The following TRIM33 variants were observed in gnomAD, a reference collection of about 807,000 sequenced individuals.
TRIM33 encodes the protein tripartite motif containing 33, also known as E3 ubiquitin-protein ligase TRIM33.
A neutral mutation model predicts 125.4 loss-of-function variants in TRIM33; 20 were observed. The observed-to-expected ratio is 0.16, with a 90% CI of 0.11 to 0.23. The LOEUF is 0.23. Ranked by LOEUF, TRIM33 falls within the 10% of genes least tolerant of loss-of-function variation. TRIM33 has a pLI of 1.00. For missense variants in TRIM33, 920 were observed against 1,411.4 expected (o/e 0.65, Z 5.58); for synonymous variants, 564 against 513.9 (o/e 1.10, Z -1.32).
chr1:114,432,962 C>G (rs941150834), intron 5 of TRIM33, among the ~76,000 whole-genome samples: 1 of 152,052 alleles, frequency 6.6e-6, no homozygotes, highest in African/African-American at 2.4e-5. Flanking sequence ...CTTATTCATA[C>G]CCCGAAGAAT....
chr1:114,438,798 T>C (rs1330709583), intron 4 of TRIM33, among the ~76,000 whole-genome samples: 1 of 152,228 alleles, frequency 6.6e-6, no homozygotes, highest in Non-Finnish European at 1.5e-5. Context: ...AAGGATTTAA[T>C]GCTTGCTATC....
rs1168622805 is a variant in TRIM33, at chr1:114,402,834, C to G, written c.2818G>C (p.Glu940Gln). The G allele has an allele frequency of 6.2e-7, 1 of 1,614,124 alleles. No individual in the cohort carries two copies. Among genetic ancestry groups the G allele is most frequent in the Non-Finnish European group, 8.5e-7 (1 of 1,180,010 alleles). The change falls in exon 16 of 20, where the codon GAA becomes CAA. Residue 940 changes from glutamate (E) to glutamine (Q), a missense_variant. Physicochemically the swap from Glu to Gln is conservative, Grantham distance 29. Transcript: ENST00000358465. ...FCRDIGKPEV[E>Q]YDCDNLQHSK... ...TGTTGCAAATTATCACAATCATATT[C>G]AACTTCTGGCTTTCCAATATCTCTA...
chr1:114,398,740 A>G (rs1030987222), intron 18 of TRIM33, among the ~76,000 whole-genome samples: 24 of 151,988 alleles, frequency 1.6e-4, no homozygotes. Context: ...ATCTTTTAAA[A>G]GATTTTGTGG....
In TRIM33 at chr1:114,425,584, T is replaced by G; in HGVS notation, c.1560A>C (p.Gln520His). 1 of 1,614,172 alleles carries G rather than the reference T, an allele frequency of 6.2e-7. No individual in the cohort carries two copies. The highest frequency in any genetic ancestry group is 8.5e-7 in the Non-Finnish European group (1 of 1,180,028). ...GATGTTTCTGTGCATATACTTGTTG[T>G]TGCATGTGCTGGAGTCGAAGCTGTG... ...NLAQLRLQHM[Q>H]QQVYAQKHQQ... Residue 520 changes from glutamine (Q) to histidine (H), a missense_variant, in exon 9 of 20, where the codon CAA (glutamine) becomes CAC (histidine). Transcript: ENST00000358465.
chr1:114,490,642 C>A (rs1652006285), intron 1 of TRIM33: 1 of 152,158 alleles, frequency 6.6e-6, no homozygotes, highest in South Asian at 2.1e-4. Flanking sequence ...ATTCAAGTGT[C>A]CATTTACTAA....
chr1:114,432,034 T>G lies in TRIM33; in HGVS notation c.1041-1122A>C, dbSNP rs141037111. Among the ~76,000 whole-genome samples the G allele has an allele frequency of 9.8e-3, 1,488 of 152,202 alleles. 21 individuals carry two copies. The highest frequency in any genetic ancestry group is 0.026 in the African/African-American group (1,061 of 41,524). Reference sequence around the variant, plus strand: ...GTTCAGTTTTGAAGAAAGAAAAAAATGTACATTAAAAAATAATGGAGATAG... The same window carrying G: ...GTTCAGTTTTGAAGAAAGAAAAAAAGGTACATTAAAAAATAATGGAGATAG... On this transcript the variant is annotated intron_variant, in intron 5 of 19. Transcript: ENST00000358465.
At chr1:114,459,196 A>G (rs1649800862) in intron 4 of TRIM33, among the ~76,000 whole-genome samples, 1 of 152,164 alleles carries the variant, frequency 6.6e-6, no homozygotes, top group African/African-American at 2.4e-5. Flanking sequence ...CAGGGGAACC[A>G]ACCAGATAAT....
intron 1 of TRIM33, among the ~76,000 whole-genome samples, chr1:114,487,487 T>C (rs994408881): frequency 4.6e-5 from 7 of 151,926 alleles, no homozygotes; most frequent in Admixed American, 2.0e-4. Flanking sequence ...ATATAAAAAT[T>C]TGTCACTAAT....
intron 6 of TRIM33, among the ~76,000 whole-genome samples, chr1:114,428,932 G>A (rs938252070): frequency 3.3e-5 from 5 of 151,490 alleles, no homozygotes; most frequent in African/African-American, 1.2e-4. Context: ...CTGGTTCACT[G>A]CAAACTCCAC....
At chr1:114,435,314 T>C (rs1046587002) in intron 4 of TRIM33, among the ~76,000 whole-genome samples, 1 of 152,110 alleles carries the variant, frequency 6.6e-6, no homozygotes, top group African/African-American at 2.4e-5. Flanking sequence ...GATCAGCAGA[T>C]TTGAGAGGTT....
intron 4 of TRIM33, among the ~76,000 whole-genome samples, chr1:114,461,905 G>A (rs1322051001): frequency 6.6e-6 from 1 of 152,128 alleles, no homozygotes; most frequent in Non-Finnish European, 1.5e-5. Context: ...TAAATATACT[G>A]TAAAGCTGTG....
chr1:114,503,230 C>T (rs6700078), intron 1 of TRIM33, among the ~76,000 whole-genome samples: 3,927 of 152,148 alleles, frequency 0.026, 87 homozygotes, highest in Non-Finnish European at 0.034. Context: ...CCTGTAATAC[C>T]AACACTTTGG....
intron 1 of TRIM33, among the ~76,000 whole-genome samples, chr1:114,492,594 G>A (rs1227241897): frequency 6.6e-6 from 1 of 151,992 alleles, no homozygotes; most frequent in African/African-American, 2.4e-5. Context: ...TATTCTCCCT[G>A]CAAGCCCTTG....
At chr1:114,490,143 A>T (rs1651976249) in intron 1 of TRIM33, among the ~76,000 whole-genome samples, 1 of 151,546 alleles carries the variant, frequency 6.6e-6, no homozygotes, top group Admixed American at 6.6e-5. Flanking sequence ...CAAGAAAAAA[A>T]AAATTAAGAA....
chr1:114,408,637 T>G, intron 13 of TRIM33, 40 bp downstream of exon 13: 3 of 1,352,736 alleles, frequency 2.2e-6, no homozygotes, highest in Non-Finnish European at 3.1e-6. Context: ...TTGCTATTTT[T>G]CTTAACAAAA....
rs952478764 is a variant in TRIM33 at position 114,402,760 on chromosome 1, C to T, written c.2892G>A (p.Arg964=). 6.2e-7 allele frequency: 1 copy of T among 1,611,366 alleles called. No individual in the cohort carries two copies. The highest frequency in any genetic ancestry group is 1.1e-5 in the South Asian group (1 of 90,578). The stretch of plus-strand genomic sequence containing the variant: ...ACAAATCAACTTATTTGACACTTAC[C>T]CTTTGGTCCACGGGGCTTAACCCCT... The part of the protein sequence containing the change: ...TAQGLSPVDQ[R]KCERLLLYLY... The change falls in exon 16 of 20, where the codon AGG becomes AGA. Residue 964 remains arginine (R), a splice_region_variant and synonymous_variant. Coordinates refer to ENST00000358465, the MANE Select transcript of TRIM33 (RefSeq NM_015906.4).
At chr1:114,419,200 C>CAAAAAAAA (rs35757503) in intron 11 of TRIM33, among the ~76,000 whole-genome samples, 23 of 53,762 alleles carry the variant, frequency 4.3e-4, no homozygotes, top group Non-Finnish European at 5.7e-4. Flanking sequence ...GACACCATCT[C>CAAAAAAAA]AAAAAAAAAA....
At chr1:114,413,317 A>G (rs1468385272) in intron 11 of TRIM33, among the ~76,000 whole-genome samples, 1 of 151,996 alleles carries the variant, frequency 6.6e-6, no homozygotes, top group African/African-American at 2.4e-5. Context: ...CCAGCACTTT[A>G]GGAGGCCGAG....
Position 114,425,628 on chromosome 1 carries a change from G to A in TRIM33, c.1516C>T (p.Pro506Ser). 6.2e-7 allele frequency: 1 copy of A among 1,614,066 alleles called. No homozygotes were observed. Among genetic ancestry groups the A allele is most frequent in the Non-Finnish European group, 8.5e-7 (1 of 1,180,016 alleles). ...AGCTGTGCTAAGTTAATCTGTCCAGGGGTTTTACTAATGTGGTTTGTCCCT... is the reference window on the plus strand; with the variant it reads ...AGCTGTGCTAAGTTAATCTGTCCAGAGGTTTTACTAATGTGGTTTGTCCCT... Reference protein sequence around the residue: ...PPGTNHISKTPGQINLAQLRL... With the variant: ...PPGTNHISKTSGQINLAQLRL... The change falls in exon 9 of 20, where the codon CCT (proline) becomes TCT (serine). Residue 506 changes from proline (P) to serine (S), a missense_variant. Physicochemically the swap from Pro to Ser is moderately conservative, Grantham distance 74. This residue lies in a region of TRIM33 where 407 missense variants were observed against 589.7 expected (regional missense o/e 0.69). Transcript: ENST00000358465.
Sources: gnomAD v4.1 joint callset for allele counts (sites outside exome capture counted in the v4.1 genomes callset) on GRCh38, gnomAD v4.1.1 for gene constraint, gnomAD v4.1.1 regional missense constraint, MANE v1.5 for transcripts, NCBI Gene and HGNC (gene_info 2026-07-23, HGNC 2026-07-21) for gene names.